HTR3B: variants seen among roughly 807,000 people sequenced by gnomAD.
HTR3B encodes 5-hydroxytryptamine receptor 3B.
HTR3B carries 44 observed loss-of-function variants against 42.8 expected under a neutral mutation model. That is an observed-to-expected ratio of 1.03 (90% CI 0.81 to 1.32). The LOEUF is 1.32. HTR3B is among the 40% of genes most tolerant of loss of function. The probability of loss-of-function intolerance (pLI) is 0.00; values close to 1 mark genes in which losing one functional copy is unlikely to be tolerated. For missense variants in HTR3B, 527 were observed against 536.5 expected (o/e 0.98, Z 0.17); for synonymous variants, 203 against 209.0 (o/e 0.97, Z 0.25).
chr11:113,935,283 C>T (rs1346543574), intron 6 of HTR3B, among the ~76,000 whole-genome samples: 4 of 152,056 alleles, frequency 2.6e-5, no homozygotes, highest in Non-Finnish European at 4.4e-5. Context: ...TGCTTCCCCC[C>T]GGGTACGTTT....
rs748516708 is a variant in HTR3B at position 113,948,590 on chromosome 11, G to T, written c.*2453G>T. 6.6e-6 allele frequency among the ~76,000 whole-genome samples: 1 copy of T among 152,218 alleles called. No individual in the cohort carries two copies. The highest frequency in any genetic ancestry group is 2.4e-5 in the African/African-American group (1 of 41,458). On this transcript the variant is annotated 3_prime_UTR_variant, in exon 9 of 9. Coordinates refer to ENST00000260191, the MANE Select transcript of HTR3B (RefSeq NM_006028.5). ...TGCTTTGAAAAGTAAATAATGGGGC[G>T]TGGTGGCTCACGCCTATAATCCCAA...
intron 7 of HTR3B, 59 bp downstream of exon 7, chr11:113,943,251 T>TGCTGGCCAGGCATGGTGGC (rs1441980165): frequency 1.2e-5 from 17 of 1,402,010 alleles, no homozygotes; most frequent in Middle Eastern, 4.6e-4. Context: ...AAAGATCTAA[T>TGCTGGCCAGGCATGGTGGC]GCTGGCCAGG....
chr11:113,935,112 T>G (rs116507253), intron 6 of HTR3B, among the ~76,000 whole-genome samples: 1,554 of 125,038 alleles, frequency 0.012, 33 homozygotes, highest in African/African-American at 0.038. Context: ...CATGTCACTT[T>G]CCTTCACCCT....
upstream of HTR3B, among the ~76,000 whole-genome samples, chr11:113,903,554 G>A (rs530445895): frequency 7.3e-5 from 11 of 150,008 alleles, no homozygotes; most frequent in East Asian, 8.0e-4. Context: ...TCAGCCTCCC[G>A]AGTAGCTGGG....
At position 113,944,724 on chromosome 11, in the gene HTR3B, G is replaced by A. The variant is rs1433024593; in HGVS notation, c.1059G>A (p.Val353=). The A allele has an allele frequency of 1.2e-6, 2 of 1,613,980 alleles. No individual in the cohort carries two copies. Among genetic ancestry groups the A allele is most frequent in the African/African-American group, 1.3e-5 (1 of 74,902 alleles). ...ACACCGATGCTGACAGGCCTAGAGTGGAACCCAGGGCCCAACGTGCTGTGG... is the reference window on the plus strand; with the variant it reads ...ACACCGATGCTGACAGGCCTAGAGTAGAACCCAGGGCCCAACGTGCTGTGG... ...RGDTDADRPR[V]EPRAQRAVVT... is the part of the protein sequence containing the mutation. The change falls in exon 8 of 9, where the codon GTG becomes GTA. Residue 353 remains valine (V), a synonymous_variant. Transcript: ENST00000260191.
In HTR3B at chr11:113,941,933, CTGCTCACACCT is replaced by C. The variant is rs1187408075; in HGVS notation, c.697-1045_697-1035del. Among the ~76,000 whole-genome samples the C allele has an allele frequency of 3.9e-5, 6 of 152,286 alleles. No individual in the cohort carries two copies. The South Asian group carries it at 1.0e-3, about 26-fold the overall frequency. On this transcript the variant is annotated intron_variant, in intron 6 of 8. Transcript: ENST00000260191. ...CGCCATCTTGTGGTTTCCCTAAAGC[CTGCTCACACCT>C]TGCAGATAGTCTCATTTTTGAGCCG...
In HTR3B at chr11:113,933,008, A is replaced by G; in HGVS notation, c.611A>G (p.Asp204Gly). 1.2e-6 allele frequency: 2 copies of G among 1,614,184 alleles called. No homozygotes were observed. Among genetic ancestry groups the G allele is most frequent in the Non-Finnish European group, 1.7e-6 (2 of 1,180,014 alleles). ...IQHDKKAFLN[D>G]SEWELLSVSS... ...CATGACAAAAAGGCGTTTTTGAATG[A>G]CAGTGAGTGGGAACTTCTATCTGTG... Residue 204 changes from aspartate to glycine, a missense_variant, in exon 6 of 9, where the codon GAC (aspartate) becomes GGC (glycine). By Grantham distance (94) the Asp-to-Gly change is moderately conservative (BLOSUM62 -1). Coordinates refer to ENST00000260191, the MANE Select transcript of HTR3B (RefSeq NM_006028.5).
chr11:113,913,837 A>G (rs1174847307), intron 2 of HTR3B, among the ~76,000 whole-genome samples: 1 of 152,094 alleles, frequency 6.6e-6, no homozygotes, highest in Non-Finnish European at 1.5e-5. Context: ...CTGCAAATTC[A>G]TATGTTGATG....
chr11:113,909,199 T>C (rs1565555640), intron 1 of HTR3B, 96 bp from the exon 2 acceptor site: 1 of 937,004 alleles, frequency 1.1e-6, no homozygotes. Flanking sequence ...AAAGCTATAT[T>C]CTAGTAAAAG....
intron 2 of HTR3B, among the ~76,000 whole-genome samples, chr11:113,911,120 C>T (rs947951061): frequency 6.6e-5 from 10 of 152,084 alleles, no homozygotes; most frequent in African/African-American, 2.4e-4. Flanking sequence ...GCCACTGCAC[C>T]CGGCCAAAAA....
intron 2 of HTR3B, among the ~76,000 whole-genome samples, chr11:113,926,446 G>GCTTTTCTTTTCCTTTCCTTT (rs1949972892): frequency 7.6e-6 from 1 of 131,544 alleles, no homozygotes; most frequent in South Asian, 2.7e-4. Context: ...ATATCAGACT[G>GCTTTTCTTTTCCTTTCCTTT]CTTTTCCTTT....
At chr11:113,926,481 TC>T (rs780275665) in intron 2 of HTR3B, among the ~76,000 whole-genome samples, 2,965 of 131,306 alleles carry the variant, frequency 0.023, 45 homozygotes, top group Non-Finnish European at 0.035. Context: ...TCCTTTCCTT[TC>T]CTTTCCTTTC....
intron 8 of HTR3B, among the ~76,000 whole-genome samples, chr11:113,945,013 C>T (rs1247186866): frequency 1.3e-5 from 2 of 152,148 alleles, no homozygotes; most frequent in Non-Finnish European, 2.9e-5. Flanking sequence ...CCATGTTGCG[C>T]AGGCTGGTCT....
chr11:113,934,601 A>G (rs1414511992), intron 6 of HTR3B, among the ~76,000 whole-genome samples: 1 of 152,132 alleles, frequency 6.6e-6, no homozygotes, highest in Non-Finnish European at 1.5e-5. Context: ...TTTGAACCTG[A>G]CTAATGTATA....
At chr11:113,945,279 C>T (rs1416806048) in intron 8 of HTR3B, among the ~76,000 whole-genome samples, 5 of 151,950 alleles carry the variant, frequency 3.3e-5, no homozygotes, top group Admixed American at 2.6e-4. Flanking sequence ...GGACTATAGG[C>T]GTGTGCCACC....
intron 7 of HTR3B, among the ~76,000 whole-genome samples, chr11:113,944,208 C>T (rs112247266): frequency 0.021 from 3,201 of 151,928 alleles, 87 homozygotes; most frequent in African/African-American, 0.071. Flanking sequence ...TTAGTATAGA[C>T]GGGGTTTCAC....
intron 2 of HTR3B, among the ~76,000 whole-genome samples, chr11:113,919,267 A>T (rs1183295531): frequency 2.0e-5 from 3 of 152,190 alleles, no homozygotes; most frequent in Non-Finnish European, 4.4e-5. Flanking sequence ...GAAACTTACA[A>T]CAGTAAAATT....
rs1395139004 is a variant in HTR3B at position 113,943,148 on chromosome 11, T to C, written c.863T>C (p.Met288Thr). ...GGCTACACCGTCTTCAGGGTCAACA[T>C]GTCCAACCAGGTGCCACGGAGTGTA... ...LVGYTVFRVN[M>T]SNQVPRSVGS... The change falls in exon 7 of 9, where the codon ATG (methionine) becomes ACG (threonine). Residue 288 changes from methionine to threonine, a missense_variant. Coordinates refer to ENST00000260191, the MANE Select transcript of HTR3B (RefSeq NM_006028.5). The C allele has an allele frequency of 6.2e-7, 1 of 1,614,132 alleles. No homozygotes were observed. Among genetic ancestry groups the C allele is most frequent in the Non-Finnish European group, 8.5e-7 (1 of 1,180,016 alleles).
intron 1 of HTR3B, among the ~76,000 whole-genome samples, chr11:113,907,754 C>T (rs1198095081): frequency 3.9e-5 from 6 of 152,230 alleles, no homozygotes; most frequent in South Asian, 2.1e-4. Flanking sequence ...AATGCTGTCT[C>T]GGGTAATTTC....
Sources: allele counts gnomAD v4.1 joint callset (sites outside exome capture counted in the v4.1 genomes callset), GRCh38; gene constraint gnomAD v4.1.1; transcripts MANE v1.5; gene names NCBI Gene and HGNC (gene_info 2026-07-23, HGNC 2026-07-21).